GNAO1: variants seen among roughly 807,000 people sequenced by gnomAD.
GNAO1 encodes the protein guanine nucleotide-binding protein G(o) subunit alpha.
For synonymous variants in GNAO1, 164 were observed against 180.7 expected (o/e 0.91, Z 0.74); for missense variants, 166 against 478.7 (o/e 0.35, Z 6.10).
intron 3 of GNAO1, among the ~76,000 whole-genome samples, chr16:56,298,335 T>C (rs1204920812): frequency 6.6e-6 from 1 of 152,128 alleles, no homozygotes; most frequent in Non-Finnish European, 1.5e-5. Flanking sequence ...GGTTAAGGGC[T>C]CTCAAACCAG....
intron 6 of GNAO1, chr16:56,344,575 C>T (rs2037843613): frequency 1.0e-6 from 1 of 986,074 alleles, no homozygotes; most frequent in Non-Finnish European, 1.2e-6. Flanking sequence ...AACTCCCATC[C>T]CTGACTCCTC....
chr16:56,274,021 CTT>C (rs2037040211), intron 2 of GNAO1, among the ~76,000 whole-genome samples: 1 of 152,240 alleles, frequency 6.6e-6, no homozygotes, highest in Admixed American at 6.5e-5. Context: ...AGTGCTCTCT[CTT>C]CGCAGTTTTC....
chr16:56,335,176 C>G (rs189861326), intron 5 of GNAO1, among the ~76,000 whole-genome samples: 14 of 152,270 alleles, frequency 9.2e-5, no homozygotes, highest in Non-Finnish European at 1.2e-4. Context: ...GGGGCCCTTC[C>G]AAGGTCACCT....
chr16:56,336,344 T>C (rs1007679286), intron 5 of GNAO1: 4 of 175,946 alleles, frequency 2.3e-5, no homozygotes, highest in Admixed American at 1.1e-4. Flanking sequence ...CCTCCCAGGC[T>C]GGTTTGGAGT....
rs1300248042 is a variant in GNAO1 at position 56,300,043 on chromosome 16, G to GCGCGCGCGCGCGCA, written c.303+23980_303+23981insGCGCACGCGCGCGC. Among the ~76,000 whole-genome samples the GCGCGCGCGCGCGCA allele has an allele frequency of 5.5e-3, 510 of 92,178 alleles. 6 individuals are homozygous for GCGCGCGCGCGCGCA. The highest frequency in any genetic ancestry group is 0.023 in the African/African-American group (494 of 21,550). 60.5% of individuals were successfully genotyped at this position (92,178 alleles called of 152,430 possible). ...TGTGTGTGTGTGTGTGTGTGCGCGC[G>GCGCGCGCGCGCGCA]CGCGCGCGCACGCACATGTGCTTGT... On this transcript the variant is annotated intron_variant, in intron 3 of 8. Coordinates refer to ENST00000262493, the MANE Select transcript of GNAO1 (RefSeq NM_020988.3).
At chr16:56,350,763 T>C (rs1442650772) in intron 6 of GNAO1, among the ~76,000 whole-genome samples, 2 of 151,782 alleles carry the variant, frequency 1.3e-5, no homozygotes, top group South Asian at 2.1e-4. Context: ...CCTGAGACCA[T>C]AGGAAGGGCC....
At chr16:56,347,927 T>TGG in intron 6 of GNAO1, 1 of 749,178 alleles carries the variant, frequency 1.3e-6, no homozygotes. Context: ...ACCCTGCCCC[T>TGG]GCTGAGTATC....
intron 2 of GNAO1, among the ~76,000 whole-genome samples, chr16:56,259,154 G>A (rs1022641312): frequency 7.2e-5 from 11 of 152,180 alleles, no homozygotes; most frequent in Admixed American, 1.3e-4. Context: ...CAGAGGGTGT[G>A]GATAGCACCA....
At chr16:56,269,594 T>C (rs1254054751) in intron 2 of GNAO1, among the ~76,000 whole-genome samples, 1 of 152,194 alleles carries the variant, frequency 6.6e-6, no homozygotes, top group Non-Finnish European at 1.5e-5. Flanking sequence ...CGGTCTCAGC[T>C]AGAGTCTGGC....
chr16:56,286,261 C>T (rs974732571), intron 3 of GNAO1, among the ~76,000 whole-genome samples: 11 of 152,182 alleles, frequency 7.2e-5, no homozygotes, highest in African/African-American at 1.2e-4. Context: ...CTTTCTTTGC[C>T]GGGCAACCAA....
intron 2 of GNAO1, among the ~76,000 whole-genome samples, chr16:56,205,632 G>C (rs2036320847): frequency 6.6e-6 from 1 of 152,144 alleles, no homozygotes; most frequent in Non-Finnish European, 1.5e-5. Flanking sequence ...CATGGCCCTT[G>C]CTATTCCCTG....
chr16:56,251,334 T>C (rs1288723745), intron 2 of GNAO1, among the ~76,000 whole-genome samples: 1 of 152,180 alleles, frequency 6.6e-6, no homozygotes, highest in African/African-American at 2.4e-5. Context: ...TCTGCCTGCA[T>C]ATTCGAGGAG....
Position 56,213,040 on chromosome 16 carries a change from C to T in GNAO1, c.161+20424C>T, listed in dbSNP as rs117126207. ...CCTGCCCGGTGGCCAGCACCACGGA[C>T]ATCTGCTCACCTGTGGCAGAACTCG... On this transcript the variant is annotated intron_variant, in intron 2 of 8. Transcript: ENST00000262493. 1.7e-3 allele frequency among the ~76,000 whole-genome samples: 265 copies of T among 152,320 alleles called. 2 individuals carry two copies. In the East Asian group the frequency reaches 0.023, roughly 13 times the overall value.
intron 6 of GNAO1, among the ~76,000 whole-genome samples, chr16:56,341,608 G>GACTCAAAT (rs1690727604): frequency 6.6e-6 from 1 of 152,232 alleles, no homozygotes; most frequent in Non-Finnish European, 1.5e-5. Flanking sequence ...AAATCACAGA[G>GACTCAAAT]CTTTGCAAGC....
rs1265164881 is a variant in GNAO1, at chr16:56,348,493, T to C, written c.724-2891T>C. On this transcript the variant is annotated intron_variant, in intron 6 of 8. Coordinates refer to ENST00000262493, the MANE Select transcript of GNAO1 (RefSeq NM_020988.3). ...GACGTGGCAGTGGCCATGGTTGCGC[T>C]GGCACTGCTTCCTGCTGCTCCTGGG... 3.9e-5 allele frequency among the ~76,000 whole-genome samples: 6 copies of C among 152,252 alleles called. No homozygotes were observed. The East Asian group carries it at 1.2e-3, about 29-fold the overall frequency.
chr16:56,344,288 C>G, intron 6 of GNAO1: 1 of 1,205,920 alleles, frequency 8.3e-7, no homozygotes, highest in Non-Finnish European at 1.0e-6. Flanking sequence ...CACTGGAAGC[C>G]TCGGAGTGTC....
At chr16:56,256,686 GTCTCTCTCTC>G (rs1172369417) in intron 2 of GNAO1, among the ~76,000 whole-genome samples, 1,923 of 136,306 alleles carry the variant, frequency 0.014, 22 homozygotes, top group South Asian at 0.027. Context: ...CTTTCTCTCT[GTCTCTCTCTC>G]TCTCTCTCTC....
intron 3 of GNAO1, among the ~76,000 whole-genome samples, chr16:56,312,540 C>A (rs1022898809): frequency 6.6e-6 from 1 of 152,256 alleles, no homozygotes; most frequent in Middle Eastern, 3.2e-3. Flanking sequence ...CCAGCTCTGA[C>A]CCCTGAACCC....
chr16:56,329,024 A>G, intron 4 of GNAO1: 1 of 512,662 alleles, frequency 2.0e-6, no homozygotes, highest in Non-Finnish European at 3.5e-6. Flanking sequence ...ACAACCAAAC[A>G]GTGGAAATTC....
Sources: allele counts gnomAD v4.1 joint callset (sites outside exome capture counted in the v4.1 genomes callset), GRCh38; gene constraint gnomAD v4.1.1; transcripts MANE v1.5; gene names NCBI Gene and HGNC (gene_info 2026-07-23, HGNC 2026-07-21).